Variants in XKR6 observed in about 807,000 individuals in gnomAD.
The protein encoded by XKR6 is XK related 6, also known as XK-related protein 6.
A neutral mutation model predicts 56.7 loss-of-function variants in XKR6; 22 were observed. The ratio of observed to expected loss-of-function variants is 0.39; its 90% CI spans 0.28 to 0.55. The LOEUF is 0.55. Among genes scored for constraint, XKR6 ranks in the 20% least tolerant of loss-of-function variants. The pLI, the probability that XKR6 is intolerant of heterozygous loss-of-function variation, is 0.66. For synonymous variants in XKR6, 524 were observed against 387.8 expected (o/e 1.35, Z -4.13); for missense variants, 852 against 889.0 (o/e 0.96, Z 0.53).
rs760701409 is a variant in XKR6 at position 11,201,385 on chromosome 8, G to T, written c.-46C>A. ...CGGAGGTTGGGGGGGAGGGACGGCGGGGGGGGGGGGAAGAAGGCAGGGAAC... is the reference window on the plus strand; with the variant it reads ...CGGAGGTTGGGGGGGAGGGACGGCGTGGGGGGGGGGAAGAAGGCAGGGAAC... On this transcript the variant is annotated 5_prime_UTR_variant, in exon 1 of 3. Transcript: ENST00000416569. 3.2e-5 allele frequency: 21 copies of T among 648,054 alleles called. No individual in the cohort carries two copies. Among genetic ancestry groups the T allele is most frequent in the Admixed American group, 1.8e-4 (3 of 16,252 alleles). 40.1% of individuals were successfully genotyped at this position (648,054 alleles called of 1,614,324 possible).
chr8:11,012,638 T>C (rs1798527688), intron 1 of XKR6, among the ~76,000 whole-genome samples: 1 of 139,480 alleles, frequency 7.2e-6, no homozygotes, highest in Non-Finnish European at 1.6e-5. Context: ...CCCCCTAGCT[T>C]GCAGGCCCCC....
chr8:11,129,359 C>G (rs933035822), intron 1 of XKR6, among the ~76,000 whole-genome samples: 5 of 152,170 alleles, frequency 3.3e-5, no homozygotes, highest in Non-Finnish European at 7.3e-5. Context: ...CTGCAGGAGT[C>G]AGGTACTTAA....
chr8:11,078,881 G>A (rs1425490314), intron 1 of XKR6, among the ~76,000 whole-genome samples: 3 of 152,230 alleles, frequency 2.0e-5, no homozygotes, highest in Non-Finnish European at 4.4e-5. Context: ...GGGGGCCAGA[G>A]GCCTCATCCT....
chr8:10,917,219 G>A (rs1338334850), intron 2 of XKR6, among the ~76,000 whole-genome samples: 1 of 152,112 alleles, frequency 6.6e-6, no homozygotes, highest in Non-Finnish European at 1.5e-5. Flanking sequence ...GCCCAGGGTG[G>A]CAAGAAGTAT....
At chr8:10,906,088 C>T (rs1800182532) in intron 2 of XKR6, among the ~76,000 whole-genome samples, 1 of 152,176 alleles carries the variant, frequency 6.6e-6, no homozygotes, top group Non-Finnish European at 1.5e-5. Context: ...CATACTGAAA[C>T]CCGAGACTAT....
In XKR6 at chr8:10,896,797, T is replaced by C. The variant is rs906621717; in HGVS notation, c.*1155A>G. ...TTTTTAAAAAAGCACAAATGAAAAATGAAGAATTCTTTCCAGATCAATTTA... is the reference window on the plus strand; with the variant it reads ...TTTTTAAAAAAGCACAAATGAAAAACGAAGAATTCTTTCCAGATCAATTTA... On this transcript the variant is annotated 3_prime_UTR_variant, in exon 3 of 3. Coordinates refer to ENST00000416569, the MANE Select transcript of XKR6 (RefSeq NM_173683.4). The C allele has an allele frequency of 1.3e-5, 2 of 151,562 alleles. No homozygotes were observed. The highest frequency in any genetic ancestry group is 4.9e-5 in the African/African-American group (2 of 41,112). 9.4% of individuals were successfully genotyped at this position (151,562 alleles called of 1,614,324 possible).
chr8:10,951,858 G>A (rs1801735037), intron 1 of XKR6, among the ~76,000 whole-genome samples: 1 of 152,174 alleles, frequency 6.6e-6, no homozygotes, highest in Admixed American at 6.5e-5. Context: ...GGGGGCAGGG[G>A]TGGGAGCTGT....
chr8:11,110,363 A>T lies in XKR6; in HGVS notation c.764+90213T>A, dbSNP rs1223998598. Reference sequence around the variant, plus strand: ...AAAACAAGCAAAGCAAAAAGGAGCCAGGGGTATTGGGGTAGACTATTCAGC... The same window carrying T: ...AAAACAAGCAAAGCAAAAAGGAGCCTGGGGTATTGGGGTAGACTATTCAGC... On this transcript the variant is annotated intron_variant, in intron 1 of 2. Transcript: ENST00000416569. Among the ~76,000 whole-genome samples the T allele has an allele frequency of 2.0e-5, 3 of 152,086 alleles. No individual in the cohort carries two copies. The East Asian group carries it at 5.8e-4, about 29-fold the overall frequency.
rs566597894 is a variant in XKR6 at position 11,060,272 on chromosome 8, G to A, written c.765-135442C>T. On this transcript the variant is annotated intron_variant, in intron 1 of 2. Coordinates refer to ENST00000416569, the MANE Select transcript of XKR6 (RefSeq NM_173683.4). ...TTTGGTGAGACAGCTAGTGTGGGGA[G>A]GAGACAGCCAGCAGCAGGGCTTTCC... 2.6e-5 allele frequency among the ~76,000 whole-genome samples: 4 copies of A among 152,252 alleles called. No homozygotes were observed. In the East Asian group the frequency reaches 7.7e-4, roughly 29 times the overall value.
chr8:11,170,791 G>C (rs76134852), intron 1 of XKR6, among the ~76,000 whole-genome samples: 8,784 of 152,200 alleles, frequency 0.058, 319 homozygotes, highest in South Asian at 0.097. Flanking sequence ...CTCAGGGGGC[G>C]CAACAATAGC....
At chr8:11,141,531 A>G (rs190814007) in intron 1 of XKR6, among the ~76,000 whole-genome samples, 7 of 152,350 alleles carry the variant, frequency 4.6e-5, no homozygotes, top group Admixed American at 3.9e-4. Flanking sequence ...CTTAGAGGAT[A>G]GGTGGCTTGC....
intron 1 of XKR6, among the ~76,000 whole-genome samples, chr8:11,025,327 G>C (rs1013273399): frequency 2.0e-5 from 3 of 152,146 alleles, no homozygotes; most frequent in African/African-American, 4.8e-5. Flanking sequence ...TCTGACTTTA[G>C]AGCCTTTTCT....
chr8:11,129,089 G>C (rs565464961), intron 1 of XKR6: 1 of 390,068 alleles, frequency 2.6e-6, no homozygotes, highest in African/African-American at 2.1e-5. Context: ...GTAATCAAGA[G>C]CCCAATCAAG....
chr8:11,096,549 T>C (rs1798267931), intron 1 of XKR6, among the ~76,000 whole-genome samples: 1 of 152,216 alleles, frequency 6.6e-6, no homozygotes, highest in Admixed American at 6.5e-5. Context: ...ATCAGACGGA[T>C]CAAAGCTTTC....
chr8:11,000,932 C>T (rs561929312), intron 1 of XKR6, among the ~76,000 whole-genome samples: 3 of 152,272 alleles, frequency 2.0e-5, no homozygotes, highest in African/African-American at 4.8e-5. Context: ...ATGCCTACAC[C>T]CCTTCCTTGG....
At chr8:10,909,304 G>C (rs1290707711) in intron 2 of XKR6, among the ~76,000 whole-genome samples, 1 of 152,128 alleles carries the variant, frequency 6.6e-6, no homozygotes, top group Non-Finnish European at 1.5e-5. Context: ...CCAAAACCAT[G>C]AGCCAAATAC....
intron 1 of XKR6, among the ~76,000 whole-genome samples, chr8:10,971,421 G>A (rs7826879): frequency 0.12 from 17,551 of 151,746 alleles, 1,157 homozygotes; most frequent in Middle Eastern, 0.19. Flanking sequence ...ACTCCATCTC[G>A]AAAAGTAATT....
chr8:11,088,011 T>G (rs1797947373), intron 1 of XKR6, among the ~76,000 whole-genome samples: 2 of 152,214 alleles, frequency 1.3e-5, no homozygotes, highest in Non-Finnish European at 2.9e-5. Context: ...ATTGCCACTG[T>G]CAGATTGAAA....
At chr8:11,077,910 G>A (rs993115951) in intron 1 of XKR6, among the ~76,000 whole-genome samples, 1 of 152,170 alleles carries the variant, frequency 6.6e-6, no homozygotes, top group African/African-American at 2.4e-5. Flanking sequence ...CAATCCGGGA[G>A]CAGCCTCCCG....
Sources: gnomAD v4.1 joint callset for allele counts (sites outside exome capture counted in the v4.1 genomes callset) on GRCh38, gnomAD v4.1.1 for gene constraint, MANE v1.5 for transcripts, NCBI Gene and HGNC (gene_info 2026-07-23, HGNC 2026-07-21) for gene names.